The following HFM1 variants were observed in gnomAD, a reference collection of about 807,000 sequenced individuals.
HFM1 encodes the protein helicase for meiosis 1.
HFM1 carries 169 observed loss-of-function variants against 192.1 expected under a neutral mutation model. The observed-to-expected ratio is 0.88, with a 90% CI of 0.78 to 1.00. HFM1 has a LOEUF of 1.00. HFM1 is among the 50% of genes least tolerant of loss of function. The probability of loss-of-function intolerance (pLI) is 0.00; values close to 1 mark genes in which losing one functional copy is unlikely to be tolerated. For synonymous variants in HFM1, 525 were observed against 537.8 expected (o/e 0.98, Z 0.33); for missense variants, 1,661 against 1,668.0 (o/e 1.00, Z 0.07).
Position 91,267,799 on chromosome 1 carries a change from C to A in HFM1, c.3829G>T (p.Glu1277Ter). The A allele has an allele frequency of 1.3e-6, 2 of 1,581,248 alleles. No individual in the cohort carries two copies. The highest frequency in any genetic ancestry group is 3.8e-5 in the Admixed American group (2 of 52,140). The change falls in exon 35 of 39, where the codon GAA becomes TAA. Residue 1277 changes from glutamate to a stop codon, truncating the protein, a stop_gained. Coordinates refer to ENST00000370425, the MANE Select transcript of HFM1 (RefSeq NM_001017975.6). LOFTEE classifies it high-confidence loss of function. ...GNEVWDDFDD[E>*]NLEVTSFSTD... Reference sequence around the variant, plus strand: ...GAAAAGCTAGTAACTTCTAAGTTTTCATCATCAAAATCATCCCAAACTTCA... The same window carrying A: ...GAAAAGCTAGTAACTTCTAAGTTTTAATCATCAAAATCATCCCAAACTTCA...
At chr1:91,303,278 TG>T (rs1442841341) in intron 30 of HFM1, among the ~76,000 whole-genome samples, 1 of 152,224 alleles carries the variant, frequency 6.6e-6, no homozygotes, top group Non-Finnish European at 1.5e-5. Context: ...ATACAATATC[TG>T]GTCTTCTGTG....
At chr1:91,396,480 T>G (rs1663672307) in intron 2 of HFM1, 75 bp from the exon 3 acceptor site, 1 of 738,602 alleles carries the variant, frequency 1.4e-6, no homozygotes. Context: ...TTATTAAACA[T>G]TACTCAATTG....
At position 91,319,144 on chromosome 1, in the gene HFM1, C is replaced by G; in HGVS notation, c.2746G>C (p.Ala916Pro). 6.2e-7 allele frequency: 1 copy of G among 1,610,650 alleles called. No individual in the cohort carries two copies. The highest frequency in any genetic ancestry group is 8.5e-7 in the Non-Finnish European group (1 of 1,178,854). The change falls in exon 25 of 39, where the codon GCT becomes CCT. Residue 916 changes from alanine to proline, a missense_variant. Ala to Pro is a conservative substitution (Grantham distance 27). Coordinates refer to ENST00000370425, the MANE Select transcript of HFM1 (RefSeq NM_001017975.6). ...CAAAGTTTACACCTAAAACATTTAGCTAAAATCAAACTATTCAATAGTACA... is the reference window on the plus strand; with the variant it reads ...CAAAGTTTACACCTAAAACATTTAGGTAAAATCAAACTATTCAATAGTACA... ...FAVLLNSLIL[A>P]KCFRCKLWEN... is the part of the protein sequence containing the mutation.
chr1:91,401,259 C>T, intron 1 of HFM1, 150 bp from the exon 2 acceptor site: 1 of 533,640 alleles, frequency 1.9e-6, no homozygotes, highest in Non-Finnish European at 3.3e-6. Context: ...TTCAAAGCAC[C>T]TCAATATTCA....
chr1:91,391,436 G>T (rs1161951938), intron 4 of HFM1, among the ~76,000 whole-genome samples: 1 of 152,174 alleles, frequency 6.6e-6, no homozygotes, highest in Non-Finnish European at 1.5e-5. Flanking sequence ...AGAGCCCTCA[G>T]AAATAATATC....
At chr1:91,313,648 A>G (rs1650795717) in intron 29 of HFM1, among the ~76,000 whole-genome samples, 153 bp from the exon 30 acceptor site, 1 of 152,074 alleles carries the variant, frequency 6.6e-6, no homozygotes, top group Non-Finnish European at 1.5e-5. Flanking sequence ...AAAAAATATG[A>G]CAACTAAAAA....
intron 30 of HFM1, 101 bp from the exon 31 acceptor site, chr1:91,277,163 C>A: frequency 1.7e-6 from 1 of 590,596 alleles, no homozygotes. Context: ...TCAGACAATA[C>A]AAAAATATTG....
chr1:91,361,232 C>A, intron 13 of HFM1, among the ~76,000 whole-genome samples: 1 of 148,638 alleles, frequency 6.7e-6, no homozygotes, highest in South Asian at 2.1e-4. Context: ...ATGAAAAAAC[C>A]CTTCAAAAAA....
At chr1:91,353,762 T>G (rs942058927) in intron 13 of HFM1, among the ~76,000 whole-genome samples, 5 of 148,874 alleles carry the variant, frequency 3.4e-5, no homozygotes, top group African/African-American at 1.2e-4. Context: ...CAACTAGAGA[T>G]GCCTAATGCT....
intron 13 of HFM1, among the ~76,000 whole-genome samples, chr1:91,367,515 A>T (rs1659534423): frequency 6.6e-6 from 1 of 152,210 alleles, no homozygotes; most frequent in Non-Finnish European, 1.5e-5. Flanking sequence ...GACCTCCAGT[A>T]AACTCCAACA....
At position 91,352,552 on chromosome 1, in the gene HFM1, C is replaced by T. The variant is rs1657090141; in HGVS notation, c.1931G>A (p.Ser644Asn). 7 of 1,609,354 alleles carry T rather than the reference C, an allele frequency of 4.3e-6. No individual in the cohort carries two copies. Among genetic ancestry groups the T allele is most frequent in the Admixed American group, 3.4e-5 (2 of 59,536 alleles). The part of the protein sequence containing the change: ...HYAGGLFEEY[S>N]ETDILQMIGR... The stretch of plus-strand genomic sequence containing the variant: ...AATCATCTGTAGAATATCTGTTTCA[C>T]TGTACTCTTCAAACAGTCCTCCAGC... The change falls in exon 16 of 39, where the codon AGT becomes AAT. Residue 644 changes from serine (S) to asparagine (N), a missense_variant. Coordinates refer to ENST00000370425, the MANE Select transcript of HFM1 (RefSeq NM_001017975.6).
intron 13 of HFM1, among the ~76,000 whole-genome samples, chr1:91,367,012 A>G (rs1434166855): frequency 6.6e-6 from 1 of 152,196 alleles, no homozygotes; most frequent in African/African-American, 2.4e-5. Context: ...GCTCATTGCT[A>G]GCACAGCAGT....
intron 20 of HFM1, among the ~76,000 whole-genome samples, chr1:91,339,230 T>C (rs191551349): frequency 6.6e-6 from 1 of 151,756 alleles, no homozygotes; most frequent in Admixed American, 6.6e-5. Flanking sequence ...CAACTCAAAA[T>C]ACCAGAGTGT....
Position 91,380,124 on chromosome 1 carries a change from A to G in HFM1, c.986T>C (p.Leu329Ser). The stretch of plus-strand genomic sequence containing the variant: ...CTTACTGTAAACAATTTTAATATTC[A>G]ACCATGGCAATGGTACTTCCATTAA... ...RLLMEVPLPW[L>S]NIKIVYMAPI... is the part of the protein sequence containing the mutation. Residue 329 changes from leucine to serine, a missense_variant, in exon 8 of 39, where the codon TTG becomes TCG. Transcript: ENST00000370425. 7.1e-7 allele frequency: 1 copy of G among 1,411,184 alleles called. No individual in the cohort carries two copies. The highest frequency in any genetic ancestry group is 1.3e-5 in the South Asian group (1 of 75,308). 87.4% of individuals were successfully genotyped at this position (1,411,184 alleles called of 1,614,324 possible). A position where few individuals can be genotyped will look rare whatever the true frequency, so the allele number is the denominator to read the frequency against.
chr1:91,307,384 T>TC (rs1296594940), intron 30 of HFM1, among the ~76,000 whole-genome samples: 8 of 152,116 alleles, frequency 5.3e-5, no homozygotes, highest in African/African-American at 1.4e-4. Context: ...TCTTCTTCAT[T>TC]CCCCCCAGCA....
At chr1:91,315,255 G>C (rs1414647591) in intron 28 of HFM1, among the ~76,000 whole-genome samples, 1 of 152,118 alleles carries the variant, frequency 6.6e-6, no homozygotes, top group Non-Finnish European at 1.5e-5. Context: ...AGTTATAGCT[G>C]CAACTGATAT....
chr1:91,350,609 G>C, intron 18 of HFM1, 129 bp downstream of exon 18: 1 of 696,530 alleles, frequency 1.4e-6, no homozygotes, highest in Non-Finnish European at 2.3e-6. Context: ...AATGTATTTG[G>C]GACTGTTGTT....
In HFM1 at chr1:91,379,144, C is replaced by A; in HGVS notation, c.1077G>T (p.Leu359Phe). 1 of 1,608,698 alleles carries A rather than the reference C, an allele frequency of 6.2e-7. No homozygotes were observed. The highest frequency in any genetic ancestry group is 1.1e-5 in the South Asian group (1 of 90,312). The stretch of plus-strand genomic sequence containing the variant: ...TATCTCCAGTAAGTTCTTTACAATT[C>A]AATCCTATTGGTCCAAATTTTTCTT... Reference protein sequence around the residue: ...DWKEKFGPIGLNCKELTGDTV... With the variant: ...DWKEKFGPIGFNCKELTGDTV... Residue 359 changes from leucine to phenylalanine, a missense_variant, in exon 9 of 39, where the codon TTG (leucine) becomes TTT (phenylalanine). Leu to Phe is a conservative substitution (Grantham distance 22). Transcript: ENST00000370425.
chr1:91,307,524 C>T (rs1570894731), intron 30 of HFM1, among the ~76,000 whole-genome samples: 1 of 152,156 alleles, frequency 6.6e-6, no homozygotes, highest in African/African-American at 2.4e-5. Flanking sequence ...GTGATCTCAG[C>T]TCACTGCAGC....
Sources: allele counts gnomAD v4.1 joint callset (sites outside exome capture counted in the v4.1 genomes callset), GRCh38; gene constraint gnomAD v4.1.1; transcripts MANE v1.5; gene names NCBI Gene and HGNC (gene_info 2026-07-23, HGNC 2026-07-21).